SLC9A7: variants seen among roughly 807,000 people sequenced by gnomAD.
SLC9A7 encodes the protein solute carrier family 9 member A7, also known as sodium/hydrogen exchanger 7.
In SLC9A7, 19 loss-of-function variants were observed where a neutral mutation model predicts 52.6. The ratio of observed to expected loss-of-function variants is 0.36; its 90% CI spans 0.25 to 0.53. SLC9A7 has a LOEUF of 0.53. SLC9A7 is among the 20% of genes least tolerant of loss of function. The pLI is 0.91. For synonymous variants in SLC9A7, 226 were observed against 252.1 expected (o/e 0.90, Z 0.98); for missense variants, 455 against 597.9 (o/e 0.76, Z 2.49).
chrX:46,625,538 G>A (rs964748695), intron 14 of SLC9A7, among the ~76,000 whole-genome samples: 5 of 109,629 alleles, frequency 4.6e-5, no homozygotes, highest in Non-Finnish European at 9.5e-5. Flanking sequence ...GGCGAAACCC[G>A]GTCTCTACTG....
At position 46,643,265 on chromosome X, in the gene SLC9A7, C is replaced by T. The variant is rs779396045; in HGVS notation, c.1587G>A (p.Thr529=). The T allele has an allele frequency of 1.7e-5, 20 of 1,207,853 alleles. No homozygotes were observed. The South Asian group carries it at 3.5e-4, about 21-fold the overall frequency. ...FFTVWIIGGG[T]TPMLSWLNIR... The stretch of plus-strand genomic sequence containing the variant: ...TGTTAAGCCATGACAACATGGGTGT[C>T]GTGCCTCCTCCAATGATCCAGACAG... The change falls in exon 12 of 17, where the codon ACG becomes ACA. Residue 529 remains threonine (T), a synonymous_variant. Coordinates refer to ENST00000616978, the MANE Select transcript of SLC9A7 (RefSeq NM_001257291.2).
intron 1 of SLC9A7, among the ~76,000 whole-genome samples, chrX:46,710,338 A>G (rs1471199843): frequency 1.8e-5 from 2 of 112,024 alleles, no homozygotes; most frequent in Non-Finnish European, 1.9e-5. Context: ...AAATACAACT[A>G]AATGCATCAT....
rs188565165 is a variant in SLC9A7, at chrX:46,719,760, G to A, written c.326-37225C>T. On this transcript the variant is annotated intron_variant, in intron 1 of 16. Transcript: ENST00000616978. ...GTGGAAATTAGGGGGAGGGGGCCACGAAGGTCAATAGCCTTAATAACATTT... is the reference window on the plus strand; with the variant it reads ...GTGGAAATTAGGGGGAGGGGGCCACAAAGGTCAATAGCCTTAATAACATTT... 3.5e-4 allele frequency among the ~76,000 whole-genome samples: 39 copies of A among 111,158 alleles called. 1 individual carries two copies. In the East Asian group the frequency reaches 0.01, roughly 29 times the overall value.
chrX:46,638,039 C>A (rs777104897), intron 12 of SLC9A7, among the ~76,000 whole-genome samples: 1 of 111,811 alleles, frequency 8.9e-6, no homozygotes, highest in South Asian at 3.7e-4. Context: ...CTCATCAGGG[C>A]CTCTATCAGT....
intron 1 of SLC9A7, among the ~76,000 whole-genome samples, chrX:46,751,294 C>T (rs1382331892): frequency 3.6e-5 from 4 of 110,362 alleles, no homozygotes; most frequent in African/African-American, 9.9e-5. Flanking sequence ...CCATTACATG[C>T]GTGAAAAACA....
intron 4 of SLC9A7, among the ~76,000 whole-genome samples, chrX:46,670,164 ATG>A (rs958091799): frequency 8.9e-6 from 1 of 112,071 alleles, no homozygotes; most frequent in African/African-American, 3.2e-5. Context: ...AGAGAAAAAA[ATG>A]GGTTGGTCAC....
At chrX:46,701,278 C>T (rs900193917) in intron 1 of SLC9A7, among the ~76,000 whole-genome samples, 1 of 111,638 alleles carries the variant, frequency 9.0e-6, no homozygotes, top group African/African-American at 3.3e-5. Context: ...TAGTAAGATG[C>T]TTTATCCCCT....
At chrX:46,725,268 T>C in intron 1 of SLC9A7, 3 of 1,138,307 alleles carry the variant, frequency 2.6e-6, no homozygotes, top group Non-Finnish European at 3.6e-6. Flanking sequence ...TGCTGTCTCA[T>C]ACAAATAAGA....
chrX:46,661,344 C>T (rs1402178636), intron 7 of SLC9A7, among the ~76,000 whole-genome samples: 1 of 108,136 alleles, frequency 9.2e-6, no homozygotes, highest in Non-Finnish European at 1.9e-5. Flanking sequence ...GCACATTGTG[C>T]ACATGTACCC....
chrX:46,617,648 T>C (rs1159011923), intron 15 of SLC9A7, among the ~76,000 whole-genome samples: 1 of 112,533 alleles, frequency 8.9e-6, no homozygotes, highest in East Asian at 2.8e-4. Context: ...GGCTCAAGAC[T>C]TACCTTTGTC....
In SLC9A7 at chrX:46,606,943, G is replaced by C. The variant is rs982776085; in HGVS notation, c.*9C>G. 4 of 1,211,293 alleles carry C rather than the reference G, an allele frequency of 3.3e-6. No individual in the cohort carries two copies. The highest frequency in any genetic ancestry group is 4.5e-6 in the Non-Finnish European group (4 of 895,267). On this transcript the variant is annotated 3_prime_UTR_variant, in exon 17 of 17. Transcript: ENST00000616978. ...GCCTACCCCATCGCGCCAGGGCTTG[G>C]GGGGAAAGTCAAGCATTATCTTCCA...
rs1451151849 is a variant in SLC9A7, at chrX:46,605,832, T to C, written c.*1120A>G. ...ACTTCAGTCCTAGTGATTATTTCCC[T>C]AGGCTGTCAGCTCATATGGTAGCCC... is the stretch of plus-strand genomic sequence containing the variant. On this transcript the variant is annotated 3_prime_UTR_variant, in exon 17 of 17. Transcript: ENST00000616978. The C allele has an allele frequency of 8.9e-6, 1 of 111,805 alleles. No homozygotes were observed. Among genetic ancestry groups the C allele is most frequent in the East Asian group, 2.8e-4 (1 of 3,576 alleles). 9.2% of individuals were successfully genotyped at this position (111,805 alleles called of 1,213,427 possible).
At chrX:46,621,395 G>A (rs146750935) in intron 14 of SLC9A7, among the ~76,000 whole-genome samples, 112 of 112,131 alleles carry the variant, frequency 1.0e-3, no homozygotes, top group Middle Eastern at 4.6e-3. Context: ...ATACTAACAG[G>A]CCAAAATTGA....
chrX:46,655,327 T>TA (rs1569510846), intron 7 of SLC9A7, among the ~76,000 whole-genome samples: 2 of 111,907 alleles, frequency 1.8e-5, no homozygotes, highest in African/African-American at 6.5e-5. Flanking sequence ...ATTGAATGTA[T>TA]AAAATCTCAT....
chrX:46,615,385 A>G (rs1308624020), intron 15 of SLC9A7, among the ~76,000 whole-genome samples: 1 of 111,457 alleles, frequency 9.0e-6, no homozygotes, highest in African/African-American at 3.3e-5. Flanking sequence ...GCTGTCCTTG[A>G]ACCACATTCC....
chrX:46,756,953 A>T (rs554219759), intron 1 of SLC9A7, among the ~76,000 whole-genome samples: 1 of 112,293 alleles, frequency 8.9e-6, no homozygotes, highest in East Asian at 2.8e-4. Context: ...TCCTCAGAAC[A>T]CGGAGTACTC....
chrX:46,755,131 C>A (rs1227771451), intron 1 of SLC9A7, among the ~76,000 whole-genome samples: 4 of 112,136 alleles, frequency 3.6e-5, no homozygotes, highest in Non-Finnish European at 5.6e-5. Context: ...TATAAGTGTC[C>A]TTTGGTGGGT....
chrX:46,738,464 C>T (rs1402022075), intron 1 of SLC9A7, among the ~76,000 whole-genome samples: 1 of 111,959 alleles, frequency 8.9e-6, no homozygotes, highest in Non-Finnish European at 1.9e-5. Flanking sequence ...ATTGAAGAAA[C>T]ATTACTATAA....
At chrX:46,674,450 C>T (rs759969327) in intron 3 of SLC9A7, among the ~76,000 whole-genome samples, 1 of 112,004 alleles carries the variant, frequency 8.9e-6, no homozygotes, top group Admixed American at 9.5e-5. Context: ...AAAGTGTTTT[C>T]ACATATATTA....
Sources: allele counts gnomAD v4.1 joint callset (sites outside exome capture counted in the v4.1 genomes callset), GRCh38; gene constraint gnomAD v4.1.1; transcripts MANE v1.5; gene names NCBI Gene and HGNC (gene_info 2026-07-23, HGNC 2026-07-21).